The following LRCH1 variants were observed in gnomAD, a reference collection of about 807,000 sequenced individuals.
The protein encoded by LRCH1 is leucine rich repeats and calponin homology domain containing 1, also known as leucine-rich repeat and calponin homology domain-containing protein 1.
A neutral mutation model predicts 94.9 loss-of-function variants in LRCH1; 23 were observed. That is an observed-to-expected ratio of 0.24 (90% CI 0.17 to 0.34). The LOEUF (loss-of-function observed/expected upper bound fraction) is 0.34, where lower values mean the gene tolerates loss of function less well. Ranked by LOEUF, LRCH1 falls within the 10% of genes least tolerant of loss-of-function variation. LRCH1 has a pLI of 1.00. For synonymous variants in LRCH1, 364 were observed against 354.9 expected (o/e 1.03, Z -0.29); for missense variants, 790 against 945.9 (o/e 0.84, Z 2.16).
chr13:46,645,710 T>C (rs2051212516), intron 1 of LRCH1, among the ~76,000 whole-genome samples: 1 of 152,196 alleles, frequency 6.6e-6, no homozygotes, highest in Non-Finnish European at 1.5e-5. Context: ...GAGTGGTTTC[T>C]ATTATTAATT....
At chr13:46,699,122 G>A (rs930647192) in intron 9 of LRCH1, among the ~76,000 whole-genome samples, 1 of 152,232 alleles carries the variant, frequency 6.6e-6, no homozygotes, top group Admixed American at 6.5e-5. Flanking sequence ...TGTATGGCAT[G>A]CATGAGAATT....
At chr13:46,718,779 A>G (rs1872451205) in intron 16 of LRCH1, among the ~76,000 whole-genome samples, 1 of 152,178 alleles carries the variant, frequency 6.6e-6, no homozygotes, top group Admixed American at 6.5e-5. Flanking sequence ...GTATATCTTA[A>G]ACATCATGTC....
chr13:46,664,529 C>T (rs962056010), intron 2 of LRCH1, among the ~76,000 whole-genome samples: 1 of 152,150 alleles, frequency 6.6e-6, no homozygotes, highest in African/African-American at 2.4e-5. Context: ...TATAGCCTAG[C>T]CATGGAGTAG....
intron 1 of LRCH1, among the ~76,000 whole-genome samples, chr13:46,635,780 C>T (rs759097312): frequency 6.6e-6 from 1 of 152,022 alleles, no homozygotes; most frequent in African/African-American, 2.4e-5. Context: ...CCCCTCCCAC[C>T]TTTTTAAGAA....
intron 1 of LRCH1, among the ~76,000 whole-genome samples, chr13:46,628,904 T>C (rs2050984920): frequency 6.6e-6 from 1 of 152,222 alleles, no homozygotes; most frequent in African/African-American, 2.4e-5. Context: ...AAACATGTCT[T>C]GTAGCTGGAC....
intron 1 of LRCH1, among the ~76,000 whole-genome samples, chr13:46,610,718 C>G (rs976640307): frequency 6.6e-6 from 1 of 152,154 alleles, no homozygotes; most frequent in Non-Finnish European, 1.5e-5. Flanking sequence ...ATCACAACTT[C>G]TTTATCCACT....
chr13:46,670,470 A>C (rs1288701458), intron 3 of LRCH1, among the ~76,000 whole-genome samples: 1 of 152,232 alleles, frequency 6.6e-6, no homozygotes, highest in Non-Finnish European at 1.5e-5. Context: ...ACCTAGCAAG[A>C]GACCTACTAG....
At chr13:46,563,176 A>G (rs911738011) in intron 1 of LRCH1, among the ~76,000 whole-genome samples, 4 of 152,234 alleles carry the variant, frequency 2.6e-5, no homozygotes, top group Non-Finnish European at 5.9e-5. Flanking sequence ...TCTTTTGAGC[A>G]CTTATTGTGT....
At chr13:46,727,099 C>T (rs369989065) in intron 17 of LRCH1, among the ~76,000 whole-genome samples, 1 of 152,030 alleles carries the variant, frequency 6.6e-6, no homozygotes, top group Non-Finnish European at 1.5e-5. Context: ...GAAAATGCTT[C>T]GGTGAACAAC....
chr13:46,696,674 A>G (rs1871210266), intron 9 of LRCH1, among the ~76,000 whole-genome samples: 1 of 152,206 alleles, frequency 6.6e-6, no homozygotes, highest in Non-Finnish European at 1.5e-5. Flanking sequence ...AATCAAAAGA[A>G]AAATGTTAAT....
At position 46,686,047 on chromosome 13, in the gene LRCH1, G is replaced by A. The variant is rs780419696; in HGVS notation, c.822+6G>A. The A allele has an allele frequency of 3.2e-6, 5 of 1,549,848 alleles. No individual in the cohort carries two copies. The highest frequency in any genetic ancestry group is 1.3e-5 in the South Asian group (1 of 77,302). On this transcript the variant is annotated splice_donor_region_variant and intron_variant, in intron 5 of 19. Coordinates refer to ENST00000389797, the MANE Select transcript of LRCH1 (RefSeq NM_001164211.2). ...TGCAGTCTCCTCCAGCACAGGTGAG[G>A]GGTCTTGCAGCAAAGCCAATGCCCC... is the stretch of plus-strand genomic sequence containing the variant.
intron 13 of LRCH1, among the ~76,000 whole-genome samples, chr13:46,711,085 A>AT (rs1489672981): frequency 6.6e-6 from 1 of 152,042 alleles, no homozygotes; most frequent in Non-Finnish European, 1.5e-5. Context: ...CAGTATTCAG[A>AT]TTTTATCTCC....
At chr13:46,670,657 C>CCCT (rs1218696847) in intron 3 of LRCH1, among the ~76,000 whole-genome samples, 2 of 151,682 alleles carry the variant, frequency 1.3e-5, no homozygotes, top group Non-Finnish European at 2.9e-5. Flanking sequence ...CTGCCCATCC[C>CCCT]CCCCCAACCC....
chr13:46,733,680 CTATG>C (rs1453299687), intron 18 of LRCH1, among the ~76,000 whole-genome samples: 3 of 151,852 alleles, frequency 2.0e-5, no homozygotes, highest in East Asian at 1.9e-4. Context: ...ATATGTATAT[CTATG>C]TAGGCATATA....
At chr13:46,666,266 A>G (rs2051514389) in intron 2 of LRCH1, among the ~76,000 whole-genome samples, 1 of 152,236 alleles carries the variant, frequency 6.6e-6, no homozygotes, top group South Asian at 2.1e-4. Flanking sequence ...GAGACCATGA[A>G]TGTTTTCACA....
chr13:46,750,888 A>G (rs1431844620), exon 19 of LRCH1: 5 of 372,714 alleles, frequency 1.3e-5, no homozygotes, highest in East Asian at 4.5e-5. Context: ...GGAAAAAAAA[A>G]CTGAGCAGCA....
intron 1 of LRCH1, among the ~76,000 whole-genome samples, chr13:46,644,076 T>C (rs1232634256): frequency 6.6e-6 from 1 of 152,084 alleles, no homozygotes; most frequent in African/African-American, 2.4e-5. Flanking sequence ...GAAAGAGTGG[T>C]CTTGTGTGGG....
chr13:46,670,654 T>TCCCCC (rs10659453), intron 3 of LRCH1, among the ~76,000 whole-genome samples: 16 of 144,582 alleles, frequency 1.1e-4, no homozygotes, highest in Non-Finnish European at 2.3e-4. Context: ...ACACTGCCCA[T>TCCCCC]CCCCCCCCAA....
chr13:46,697,427 C>G (rs1413766464), intron 9 of LRCH1, among the ~76,000 whole-genome samples: 1 of 152,138 alleles, frequency 6.6e-6, no homozygotes, highest in Non-Finnish European at 1.5e-5. Context: ...AACTCATGCC[C>G]GAAGGAAGCT....
Sources: allele counts gnomAD v4.1 joint callset (sites outside exome capture counted in the v4.1 genomes callset), GRCh38; gene constraint gnomAD v4.1.1; transcripts MANE v1.5; gene names NCBI Gene and HGNC (gene_info 2026-07-23, HGNC 2026-07-21).